MAGI3: variants seen among roughly 807,000 people sequenced by gnomAD.
The protein encoded by MAGI3 is membrane-associated guanylate kinase, WW and PDZ domain-containing protein 3.
A neutral mutation model predicts 121.8 loss-of-function variants in MAGI3; 43 were observed. The observed-to-expected ratio is 0.35, with a 90% CI of 0.28 to 0.46. MAGI3 has a LOEUF of 0.46. Among genes scored for constraint, MAGI3 ranks in the 20% least tolerant of loss-of-function variants. The pLI, the probability that MAGI3 is intolerant of heterozygous loss-of-function variation, is 1.00. For synonymous variants in MAGI3, 553 were observed against 639.3 expected, an observed-to-expected ratio of 0.86 and a Z score of 2.04; for missense variants, 1,547 against 1,797.3, an observed-to-expected ratio of 0.86 and a Z score of 2.52.
chr1:113,643,897 G>C (rs568971876), intron 11 of MAGI3, 123 bp downstream of exon 11: 3 of 1,024,442 alleles, frequency 2.9e-6, no homozygotes, highest in Admixed American at 4.2e-5. Context: ...GAGGCATGCT[G>C]CCCTTGGCTT....
At chr1:113,530,078 G>C (rs1264514353) in intron 1 of MAGI3, among the ~76,000 whole-genome samples, 1 of 152,092 alleles carries the variant, frequency 6.6e-6, no homozygotes, top group East Asian at 1.9e-4. Flanking sequence ...TTCTAGTAAT[G>C]TAAAAGCAGC....
intron 6 of MAGI3, among the ~76,000 whole-genome samples, chr1:113,605,267 T>TA (rs1649684102): frequency 6.6e-6 from 1 of 152,130 alleles, no homozygotes; most frequent in East Asian, 1.9e-4. Flanking sequence ...AGAGAATGGA[T>TA]AAACCATTTG....
chr1:113,411,134 A>G (rs1465498523), intron 1 of MAGI3, among the ~76,000 whole-genome samples: 1 of 152,174 alleles, frequency 6.6e-6, no homozygotes. Context: ...ACCTGGGATA[A>G]GCTACCAATA....
At chr1:113,593,523 A>G (rs2101739984) in intron 5 of MAGI3, among the ~76,000 whole-genome samples, 1 of 152,314 alleles carries the variant, frequency 6.6e-6, no homozygotes, top group Admixed American at 6.5e-5. Flanking sequence ...AACCTGTGCA[A>G]CAGAGCAAGA....
chr1:113,459,507 T>G (rs1654928099), intron 1 of MAGI3, among the ~76,000 whole-genome samples: 1 of 152,224 alleles, frequency 6.6e-6, no homozygotes, highest in Non-Finnish European at 1.5e-5. Context: ...GTACTTCTTG[T>G]CCTTAAAAAT....
At chr1:113,485,271 CCAA>C (rs1656330603) in intron 1 of MAGI3, among the ~76,000 whole-genome samples, 1 of 152,186 alleles carries the variant, frequency 6.6e-6, no homozygotes, top group Non-Finnish European at 1.5e-5. Flanking sequence ...TGCATTCCCA[CCAA>C]CAATGTAAAA....
At chr1:113,539,991 C>T (rs902359565) in intron 1 of MAGI3, among the ~76,000 whole-genome samples, 1 of 151,768 alleles carries the variant, frequency 6.6e-6, no homozygotes, top group Non-Finnish European at 1.5e-5. Context: ...AGCATTTTAC[C>T]CATCTCTACA....
intron 9 of MAGI3, among the ~76,000 whole-genome samples, chr1:113,623,511 G>A (rs192524208): frequency 0.15 from 15,360 of 99,576 alleles, 1,022 homozygotes; most frequent in East Asian, 0.21. Context: ...TTTTTGAGAC[G>A]GAGTCTTGCT....
chr1:113,552,252 G>A (rs1271832687), intron 2 of MAGI3, among the ~76,000 whole-genome samples: 8 of 151,984 alleles, frequency 5.3e-5, no homozygotes, highest in Admixed American at 2.0e-4. Flanking sequence ...TTCTTTACTC[G>A]TTTTCCCAGC....
chr1:113,645,129 A>G (rs1652762858), intron 11 of MAGI3, among the ~76,000 whole-genome samples: 1 of 150,290 alleles, frequency 6.7e-6, no homozygotes, highest in South Asian at 2.1e-4. Context: ...GGTTCAAGCA[A>G]TTCTTGTGCC....
rs549045582 is a variant in MAGI3 at position 113,541,043 on chromosome 1, C to T, written c.317-8472C>T. Among the ~76,000 whole-genome samples, 48 of 151,978 alleles carry T rather than the reference C, an allele frequency of 3.2e-4. No individual in the cohort carries two copies. The South Asian group carries it at 9.6e-3, about 30-fold the overall frequency. On this transcript the variant is annotated intron_variant, in intron 1 of 20. Transcript: ENST00000307546. ...TCTTTCTCTAGCTATGATTATAATTCTTCTGATTATAAATGCATTAAAAAA... is the reference window on the plus strand; with the variant it reads ...TCTTTCTCTAGCTATGATTATAATTTTTCTGATTATAAATGCATTAAAAAA...
At chr1:113,614,693 T>C in intron 7 of MAGI3, 35 bp downstream of exon 7, 7 of 1,482,426 alleles carry the variant, frequency 4.7e-6, no homozygotes, top group Non-Finnish European at 6.5e-6. Flanking sequence ...TTCTCCCAAA[T>C]ATTTTCCTTT....
At chr1:113,634,868 T>G (rs1466139870) in intron 9 of MAGI3, among the ~76,000 whole-genome samples, 2 of 152,202 alleles carry the variant, frequency 1.3e-5, no homozygotes, top group Admixed American at 6.5e-5. Flanking sequence ...CCCATGAGCA[T>G]GGAATGTTCT....
intron 4 of MAGI3, among the ~76,000 whole-genome samples, chr1:113,589,355 T>A (rs1170144952): frequency 6.6e-6 from 1 of 152,082 alleles, no homozygotes; most frequent in Non-Finnish European, 1.5e-5. Context: ...TTAGTGATCA[T>A]GAATTTAAAG....
At chr1:113,589,050 G>A (rs1030317445) in intron 4 of MAGI3, among the ~76,000 whole-genome samples, 1 of 152,116 alleles carries the variant, frequency 6.6e-6, no homozygotes, top group Non-Finnish European at 1.5e-5. Context: ...TAATTGGAGG[G>A]TTAGCCCTAG....
chr1:113,565,302 G>A (rs1660398530), intron 2 of MAGI3, among the ~76,000 whole-genome samples: 1 of 152,050 alleles, frequency 6.6e-6, no homozygotes, highest in Middle Eastern at 3.4e-3. Flanking sequence ...TCCTCATATC[G>A]GGCATTACAA....
At chr1:113,496,140 T>G (rs568714746) in intron 1 of MAGI3, among the ~76,000 whole-genome samples, 1 of 152,222 alleles carries the variant, frequency 6.6e-6, no homozygotes, top group African/African-American at 2.4e-5. Context: ...TTTTTGCTTG[T>G]TGCTAATGCT....
chr1:113,580,765 T>C, intron 3 of MAGI3, 104 bp downstream of exon 3: 3 of 1,147,468 alleles, frequency 2.6e-6, no homozygotes, highest in Middle Eastern at 2.3e-4. Context: ...TGAAAAACTT[T>C]TTTTCCTCTC....
chr1:113,534,627 G>C (rs1317066658), intron 1 of MAGI3, among the ~76,000 whole-genome samples: 2 of 152,048 alleles, frequency 1.3e-5, no homozygotes, highest in African/African-American at 4.8e-5. Context: ...TGTTTAGACT[G>C]GTTTATGATA....
Sources: allele counts gnomAD v4.1 joint callset (sites outside exome capture counted in the v4.1 genomes callset), GRCh38; gene constraint gnomAD v4.1.1; transcripts MANE v1.5; gene names NCBI Gene and HGNC (gene_info 2026-07-23, HGNC 2026-07-21).